The following MYH14 variants were observed in gnomAD, a reference collection of about 807,000 sequenced individuals.
The protein encoded by MYH14 is myosin heavy chain 14.
In MYH14, 123 loss-of-function variants were observed where a neutral mutation model predicts 255.5. The observed-to-expected ratio is 0.48, with a 90% CI of 0.42 to 0.56. The LOEUF (loss-of-function observed/expected upper bound fraction) is 0.56, where lower values mean the gene tolerates loss of function less well. MYH14 is among the 20% of genes least tolerant of loss of function. The pLI is 0.00. For synonymous variants in MYH14, 1,095 were observed against 1,161.2 expected, an observed-to-expected ratio of 0.94 and a Z score of 1.16; for missense variants, 2,423 against 2,802.3, an observed-to-expected ratio of 0.86 and a Z score of 3.06.
intron 21 of MYH14, among the ~76,000 whole-genome samples, chr19:50,262,872 C>CA (rs2034937805): frequency 6.6e-6 from 1 of 152,092 alleles, no homozygotes; most frequent in Non-Finnish European, 1.5e-5. Context: ...TGCCTGCACA[C>CA]AGTAGGCATT....
intron 12 of MYH14, among the ~76,000 whole-genome samples, chr19:50,248,463 G>A (rs1490447205): frequency 6.6e-6 from 1 of 152,172 alleles, no homozygotes; most frequent in Non-Finnish European, 1.5e-5. Context: ...TCCAGCTTTT[G>A]GGCAGAGGCC....
At chr19:50,268,642 A>G (rs1173977980) in intron 24 of MYH14, among the ~76,000 whole-genome samples, 1 of 152,194 alleles carries the variant, frequency 6.6e-6, no homozygotes, top group Non-Finnish European at 1.5e-5. Flanking sequence ...AGCTTCAGGC[A>G]TGGCTGGATG....
intron 10 of MYH14, among the ~76,000 whole-genome samples, chr19:50,237,577 C>T (rs1437773860): frequency 6.6e-6 from 1 of 152,202 alleles, no homozygotes; most frequent in Non-Finnish European, 1.5e-5. Flanking sequence ...ATCCACCCGC[C>T]TCCGCCTCCC....
intron 10 of MYH14, among the ~76,000 whole-genome samples, chr19:50,239,557 CTTCTTT>C (rs967529926): frequency 1.1e-4 from 16 of 151,708 alleles, no homozygotes; most frequent in African/African-American, 2.7e-4. Flanking sequence ...TTTTCTTTTT[CTTCTTT>C]TTTTGAGACA....
chr19:50,266,344 T>A lies in MYH14; in HGVS notation c.2695-533T>A, dbSNP rs1600981062. Among the ~76,000 whole-genome samples the A allele has an allele frequency of 6.6e-6, 1 of 152,314 alleles. No individual in the cohort carries two copies. The highest frequency in any genetic ancestry group is 1.9e-4 in the East Asian group (1 of 5,182). Reference sequence around the variant, plus strand: ...GGGAGGCTGAGGTGGGTGGATTACTTGAGGCCGGGAGTTGGAGACCAGCCT... The same window carrying A: ...GGGAGGCTGAGGTGGGTGGATTACTAGAGGCCGGGAGTTGGAGACCAGCCT... On this transcript the variant is annotated intron_variant, in intron 22 of 42. Transcript: ENST00000642316. The surrounding 1 kb of genome is among the most constrained non-coding windows in gnomAD (Gnocchi z 4.1).
chr19:50,258,721 C>CA (rs1160071813), intron 18 of MYH14: 6,153 of 33,322 alleles, frequency 0.18, 401 homozygotes, highest in African/African-American at 0.3. Context: ...GACTCTGTCT[C>CA]AAAAAAAAAA....
rs559769729 is a variant in MYH14, at chr19:50,260,506, G to A, written c.2355-140G>A. ...TTGGTGGTGGCGTGAATGCTCAGATGTGAGTTTTGTGACTGTCCTTGTTAT... is the reference window on the plus strand; with the variant it reads ...TTGGTGGTGGCGTGAATGCTCAGATATGAGTTTTGTGACTGTCCTTGTTAT... On this transcript the variant is annotated intron_variant, in intron 19 of 42. Transcript: ENST00000642316. The A allele has an allele frequency of 3.7e-4, 239 of 650,510 alleles. 1 individual carries two copies. In the South Asian group the frequency reaches 3.9e-3, roughly 11 times the overall value. The allele number at this position is 650,510 out of a possible 1,614,324, so 40.3% of individuals were successfully genotyped here.
At chr19:50,287,154 C>A (rs2035919172) in intron 34 of MYH14, among the ~76,000 whole-genome samples, 1 of 152,128 alleles carries the variant, frequency 6.6e-6, no homozygotes. Flanking sequence ...GTTCAGCAAA[C>A]ATTTGCATCC....
At chr19:50,284,250 T>C (rs1345056339) in intron 33 of MYH14, among the ~76,000 whole-genome samples, 1 of 152,226 alleles carries the variant, frequency 6.6e-6, no homozygotes, top group East Asian at 1.9e-4. Context: ...TTTTGTCCAA[T>C]TTATCAATTT....
At chr19:50,292,125 C>G (rs1438809268) in intron 36 of MYH14, 136 bp from the exon 37 acceptor site, 1 of 842,506 alleles carries the variant, frequency 1.2e-6, no homozygotes, top group East Asian at 3.4e-5. Context: ...ACACAGGAGC[C>G]CAGGTCTGCA....
intron 8 of MYH14, among the ~76,000 whole-genome samples, chr19:50,229,110 T>C (rs1321483133): frequency 6.6e-6 from 1 of 152,150 alleles, no homozygotes; most frequent in Non-Finnish European, 1.5e-5. Context: ...TCAGGGCTGT[T>C]GTCCCCCAGG....
intron 12 of MYH14, among the ~76,000 whole-genome samples, chr19:50,247,750 C>T (rs938882683): frequency 6.6e-6 from 1 of 151,698 alleles, no homozygotes; most frequent in African/African-American, 2.4e-5. Flanking sequence ...GTGGAGCAGG[C>T]TTGGGGAGTT....
At chr19:50,207,460 C>T (rs535711018) in intron 1 of MYH14, among the ~76,000 whole-genome samples, 50 of 152,156 alleles carry the variant, frequency 3.3e-4, no homozygotes, top group African/African-American at 1.1e-3. Flanking sequence ...ATTCTAGTTC[C>T]CCCAGCACCT....
intron 13 of MYH14, 199 bp downstream of exon 13, chr19:50,249,338 C>T: frequency 3.0e-6 from 2 of 671,490 alleles, no homozygotes; most frequent in East Asian, 2.8e-5. Context: ...CCCCTTCTCT[C>T]TCTGGGTCTC....
chr19:50,293,493 T>C lies in MYH14; in HGVS notation c.5346-71T>C. The C allele has an allele frequency of 1.3e-6, 2 of 1,594,162 alleles. No individual in the cohort carries two copies. The highest frequency in any genetic ancestry group is 2.3e-5 in the South Asian group (2 of 88,234). ...ATGCGTGGGGCTAACCACAGGGTCC[T>C]GTAGTGTGAGGCAAGGCACCCTCCT... On this transcript the variant is annotated intron_variant, in intron 38 of 42. Coordinates refer to ENST00000642316, the MANE Select transcript of MYH14 (RefSeq NM_001145809.2). This position sits in a 1 kb window ranked among gnomAD's most constrained non-coding sequence, Gnocchi z 4.1.
chr19:50,236,780 A>T (rs1222317889), intron 10 of MYH14, among the ~76,000 whole-genome samples: 1 of 152,040 alleles, frequency 6.6e-6, no homozygotes, highest in East Asian at 1.9e-4. Context: ...GTTCAGCATT[A>T]AAAAAATCGA....
Position 50,260,841 on chromosome 19 carries a change from G to A in MYH14, c.2424+126G>A, listed in dbSNP as rs557455363. On this transcript the variant is annotated intron_variant, in intron 20 of 42. Transcript: ENST00000642316. ...TGTGCAAGTGTGTGTGCATGCACGT[G>A]TGTGCGTGTGTGTGTGCATGCATAT... The A allele has an allele frequency of 3.7e-4, 262 of 709,800 alleles. 6 individuals carry two copies. Among genetic ancestry groups the A allele is most frequent in the South Asian group, 3.0e-3 (189 of 62,102 alleles). 44.0% of individuals were successfully genotyped at this position (709,800 alleles called of 1,614,324 possible).
Position 50,223,339 on chromosome 19 carries a change from C to T in MYH14, c.683C>T (p.Pro228Leu), listed in dbSNP as rs767742973. Reference sequence around the variant, plus strand: ...TCGTCTCCAAAGGGCAGGAAGGAGCCGGGTGTCCCCGTAAGCAACCCCGCC... The same window carrying T: ...TCGTCTCCAAAGGGCAGGAAGGAGCTGGGTGTCCCCGTAAGCAACCCCGCC... ...VASSPKGRKE[P>L]GVPASVSTVS... is the part of the protein sequence containing the mutation. Residue 228 changes from proline (P) to leucine (L), a missense_variant, in exon 5 of 43, where the codon CCG (proline) becomes CTG (leucine). Pro to Leu is a moderately conservative substitution (Grantham distance 98, BLOSUM62 -3). Transcript: ENST00000642316. The T allele has an allele frequency of 3.8e-5, 59 of 1,572,124 alleles. No homozygotes were observed. The highest frequency in any genetic ancestry group is 3.3e-4 in the Middle Eastern group (2 of 6,034).
chr19:50,250,659 G>A lies in MYH14; in HGVS notation c.1801G>A (p.Asp601Asn). 4 of 1,613,854 alleles carry A rather than the reference G, an allele frequency of 2.5e-6. No individual in the cohort carries two copies. The highest frequency in any genetic ancestry group is 1.3e-5 in the African/African-American group (1 of 75,048). ...QRPRHLRDQA[D>N]FSVLHYAGKV... Reference sequence around the variant, plus strand: ...GCCGAGGCACCTGCGGGATCAGGCCGACTTCAGTGTTCTCCACTACGCGGG... The same window carrying A: ...GCCGAGGCACCTGCGGGATCAGGCCAACTTCAGTGTTCTCCACTACGCGGG... The change falls in exon 15 of 43, where the codon GAC (aspartate) becomes AAC (asparagine). Residue 601 changes from aspartate (D) to asparagine (N), a missense_variant. Coordinates refer to ENST00000642316, the MANE Select transcript of MYH14 (RefSeq NM_001145809.2). This position sits in a 1 kb window ranked among gnomAD's most constrained non-coding sequence, Gnocchi z 5.4.
Sources: gnomAD v4.1 joint callset for allele counts (sites outside exome capture counted in the v4.1 genomes callset) on GRCh38, gnomAD v4.1.1 for gene constraint, Gnocchi (gnomAD v3.1) non-coding constraint, MANE v1.5 for transcripts, NCBI Gene and HGNC (gene_info 2026-07-23, HGNC 2026-07-21) for gene names.